ZFP1: variants seen among roughly 807,000 people sequenced by gnomAD.
ZFP1 encodes zinc finger protein 1 homolog.
Under a neutral mutation model 38.5 loss-of-function variants are expected in ZFP1, and 32 were observed. That is an observed-to-expected ratio of 0.83 (90% CI 0.63 to 1.12). The LOEUF is 1.12. Ranked by LOEUF, ZFP1 falls within the 50% of genes most tolerant of loss-of-function variation. ZFP1 has a pLI of 0.00. For synonymous variants in ZFP1, 245 were observed against 168.8 expected (o/e 1.45, Z -3.50); for missense variants, 616 against 480.8 (o/e 1.28, Z -2.63).
the ZFP1 span, among the ~76,000 whole-genome samples, chr16:75,140,876 A>G: frequency 2.6e-5 from 4 of 151,948 alleles, no homozygotes; most frequent in African/African-American, 9.7e-5. Context: ...GGAGAAAGTC[A>G]TGCATCCGGG....
At position 75,171,757 on chromosome 16, in the gene ZFP1, A is replaced by G. The variant is rs1037864714; in HGVS notation, c.*1423A>G. 6.6e-6 allele frequency: 1 copy of G among 152,236 alleles called. No individual in the cohort carries two copies. The highest frequency in any genetic ancestry group is 1.5e-5 in the Non-Finnish European group (1 of 68,046). 9.4% of individuals were successfully genotyped at this position (152,236 alleles called of 1,614,324 possible). A position where few individuals can be genotyped will look rare whatever the true frequency, so the allele number is the denominator to read the frequency against. On this transcript the variant is annotated 3_prime_UTR_variant, in exon 4 of 4. Transcript: ENST00000570010. Reference sequence around the variant, plus strand: ...CTATATATTGAGTGACTTTCTGAACAAATTTATCCAGAACATCCATAGCCC... The same window carrying G: ...CTATATATTGAGTGACTTTCTGAACGAATTTATCCAGAACATCCATAGCCC...
At chr16:75,142,677 C>T in the ZFP1 span, among the ~76,000 whole-genome samples, 82,167 of 152,026 alleles carry the variant, frequency 0.54, 22,783 homozygotes, top group East Asian at 0.69. Context: ...GCAATTCTTG[C>T]TTCCCAAATA....
At chr16:75,166,205 C>T (rs78397346) in intron 2 of ZFP1, among the ~76,000 whole-genome samples, 6,754 of 152,256 alleles carry the variant, frequency 0.044, 229 homozygotes, top group Non-Finnish European at 0.067. Flanking sequence ...ATCTAATGTG[C>T]TTGTCTCACA....
At chr16:75,125,496 A>AT in the ZFP1 span, among the ~76,000 whole-genome samples, 12 of 151,848 alleles carry the variant, frequency 7.9e-5, no homozygotes, top group Admixed American at 7.9e-4. Context: ...CTAATTTTGT[A>AT]TTTTTTTAGT....
At chr16:75,136,918 G>A in the ZFP1 span, among the ~76,000 whole-genome samples, 3 of 152,046 alleles carry the variant, frequency 2.0e-5, no homozygotes, top group Non-Finnish European at 4.4e-5. Flanking sequence ...GTAGATATAT[G>A]TATATGCACA....
intron 2 of ZFP1, among the ~76,000 whole-genome samples, chr16:75,164,198 C>T (rs1188667409): frequency 2.0e-5 from 3 of 152,038 alleles, no homozygotes; most frequent in African/African-American, 4.8e-5. Context: ...TTAAAATTTG[C>T]CTCTTGTAAA....
the ZFP1 span, among the ~76,000 whole-genome samples, chr16:75,140,881 T>C: frequency 5.9e-5 from 9 of 151,984 alleles, no homozygotes; most frequent in Admixed American, 2.0e-4. Flanking sequence ...AAGTCATGCA[T>C]CCGGGAGGCG....
chr16:75,169,023 G>A (rs1382403295), intron 3 of ZFP1, among the ~76,000 whole-genome samples: 1 of 152,082 alleles, frequency 6.6e-6, no homozygotes, highest in Non-Finnish European at 1.5e-5. Context: ...ATCTGGCAAT[G>A]CTACTTGTAT....
chr16:75,123,455 G>GTATA, the ZFP1 span, among the ~76,000 whole-genome samples: 117 of 87,198 alleles, frequency 1.3e-3, no homozygotes, highest in East Asian at 2.6e-3. Flanking sequence ...GTGTGTATAT[G>GTATA]TATATATATA....
At chr16:75,143,103 A>G in the ZFP1 span, among the ~76,000 whole-genome samples, 1 of 152,248 alleles carries the variant, frequency 6.6e-6, no homozygotes, top group Non-Finnish European at 1.5e-5. Context: ...TCCAGACCAT[A>G]TAGAATTTCC....
chr16:75,144,980 C>A (rs1179570371), upstream of ZFP1, among the ~76,000 whole-genome samples: 1 of 152,200 alleles, frequency 6.6e-6, no homozygotes, highest in East Asian at 1.9e-4. Context: ...CAGGCACATG[C>A]CACTACCTCC....
intron 2 of ZFP1, among the ~76,000 whole-genome samples, chr16:75,164,674 C>T (rs1801199322): frequency 6.6e-6 from 1 of 151,984 alleles, no homozygotes; most frequent in South Asian, 2.1e-4. Context: ...GGGCTGCTGC[C>T]TTGTTTTTAT....
At chr16:75,157,400 C>T (rs1379847871) in intron 2 of ZFP1, among the ~76,000 whole-genome samples, 2 of 151,906 alleles carry the variant, frequency 1.3e-5, no homozygotes, top group Non-Finnish European at 1.5e-5. Flanking sequence ...TGTGCCACTA[C>T]ACACGGTGAA....
chr16:75,142,297 G>A, the ZFP1 span, among the ~76,000 whole-genome samples: 1 of 151,718 alleles, frequency 6.6e-6, no homozygotes, highest in Non-Finnish European at 1.5e-5. Flanking sequence ...AACCCGGAAG[G>A]TGGAAGTTGC....
At chr16:75,141,651 A>G in the ZFP1 span, among the ~76,000 whole-genome samples, 2 of 152,014 alleles carry the variant, frequency 1.3e-5, no homozygotes, top group Admixed American at 1.3e-4. Flanking sequence ...TTGAGAGGCC[A>G]AGGTTTGGGA....
chr16:75,158,598 C>T (rs1464362014), intron 2 of ZFP1, among the ~76,000 whole-genome samples: 1 of 146,462 alleles, frequency 6.8e-6, no homozygotes, highest in Non-Finnish European at 1.5e-5. Flanking sequence ...TGGCCTATTT[C>T]TGTCTTTTAA....
At chr16:75,161,619 C>G (rs2037780902) in intron 2 of ZFP1, among the ~76,000 whole-genome samples, 1 of 150,632 alleles carries the variant, frequency 6.6e-6, no homozygotes, top group South Asian at 2.1e-4. Flanking sequence ...AACCTATTCT[C>G]TCCTGAAACT....
chr16:75,139,879 C>T, the ZFP1 span, among the ~76,000 whole-genome samples: 7 of 152,220 alleles, frequency 4.6e-5, no homozygotes, highest in South Asian at 8.3e-4. Flanking sequence ...GGGATAGTTG[C>T]GCGATATTGT....
intron 2 of ZFP1, among the ~76,000 whole-genome samples, chr16:75,156,307 A>T (rs2037467016): frequency 6.6e-6 from 1 of 152,116 alleles, no homozygotes; most frequent in Non-Finnish European, 1.5e-5. Context: ...TACAAAAAAA[A>T]TTAGCCGGGC....
Sources: gnomAD v4.1 joint callset for allele counts (sites outside exome capture counted in the v4.1 genomes callset) on GRCh38, gnomAD v4.1.1 for gene constraint, MANE v1.5 for transcripts, NCBI Gene and HGNC (gene_info 2026-07-23, HGNC 2026-07-21) for gene names.